Variants in WASHC2A observed in about 807,000 individuals in gnomAD.
The protein encoded by WASHC2A is WASH complex subunit 2A, also known as WASH complex subunit FAM21A.
A neutral mutation model predicts 140.3 loss-of-function variants in WASHC2A; 82 were observed. That is an observed-to-expected ratio of 0.58 (90% CI 0.49 to 0.70). The LOEUF (loss-of-function observed/expected upper bound fraction) is 0.70. Ranked by LOEUF, WASHC2A falls within the 30% of genes least tolerant of loss-of-function variation. WASHC2A has a pLI of 0.00. For missense variants in WASHC2A, 985 were observed against 1,521.8 expected (o/e 0.65, Z 5.87); for synonymous variants, 340 against 560.8 (o/e 0.61, Z 5.56).
Position 50,127,708 on chromosome 10 carries a change from A to G in WASHC2A, c.3000A>G (p.Glu1000=). 1 of 1,577,302 alleles carries G rather than the reference A, an allele frequency of 6.3e-7. No homozygotes were observed. The highest frequency in any genetic ancestry group is 1.1e-5 in the South Asian group (1 of 88,150). The change falls in exon 28 of 31, where the codon GAA becomes GAG. Residue 1000 remains glutamate, a synonymous_variant. Coordinates refer to ENST00000282633, the MANE Select transcript of WASHC2A (RefSeq NM_001005751.3). Reference sequence around the variant, plus strand: ...AACACAGAAGGAGCCACGGTCTGGAAAGTGTGCCTGTCCTTCCCGGGAGTG... The same window carrying G: ...AACACAGAAGGAGCCACGGTCTGGAGAGTGTGCCTGTCCTTCCCGGGAGTG... ...SSEHRRSHGL[E]SVPVLPGSGE...
chr10:50,069,756 G>T, intron 3 of WASHC2A, 45 bp downstream of exon 3: 1 of 1,557,736 alleles, frequency 6.4e-7, no homozygotes, highest in Non-Finnish European at 8.7e-7. Context: ...GGGAGTAGGA[G>T]ATATTGTAAT....
rs782732956 is a variant in WASHC2A at position 50,067,974 on chromosome 10, A to G, written c.-32A>G. ...TCTGCAGTCCTCGGCGTGTGCTGGC[A>G]GCTTCGGAGCCCACCGAGCCGGGCG... On this transcript the variant is annotated 5_prime_UTR_variant, in exon 1 of 31. Coordinates refer to ENST00000282633, the MANE Select transcript of WASHC2A (RefSeq NM_001005751.3). The G allele has an allele frequency of 1.2e-6, 2 of 1,601,062 alleles. No individual in the cohort carries two copies. The highest frequency in any genetic ancestry group is 2.3e-5 in the East Asian group (1 of 44,400).
intron 20 of WASHC2A, among the ~76,000 whole-genome samples, chr10:50,113,125 T>C (rs1842419457): frequency 6.6e-6 from 1 of 151,832 alleles, no homozygotes; most frequent in African/African-American, 2.4e-5. Flanking sequence ...TCCTAACTGA[T>C]TGGGAGGCCA....
Position 50,091,485 on chromosome 10 carries a change from G to T in WASHC2A, c.898G>T (p.Asp300Tyr). The T allele has an allele frequency of 6.4e-7, 1 of 1,550,624 alleles. No individual in the cohort carries two copies. Among genetic ancestry groups the T allele is most frequent in the South Asian group, 1.2e-5 (1 of 84,046 alleles). Residue 300 changes from aspartate (D) to tyrosine (Y), a missense_variant, in exon 10 of 31, where the codon GAT (aspartate) becomes TAT (tyrosine). By Grantham distance (160) the Asp-to-Tyr change is radical. Transcript: ENST00000282633. Reference sequence around the variant, plus strand: ...TGAGCTGGCTGCCCGCATCAAGGGGGATGCCGTGGGTCGAGTGGACGAGGA... The same window carrying T: ...TGAGCTGGCTGCCCGCATCAAGGGGTATGCCGTGGGTCGAGTGGACGAGGA... ...ADELAARIKG[D>Y]AVGRVDEEPT...
rs546431622 is a variant in WASHC2A, at chr10:50,084,055, C to T, written c.529-17C>T. On this transcript the variant is annotated splice_polypyrimidine_tract_variant and intron_variant, in intron 5 of 30. Transcript: ENST00000282633. ...CAACTGAAATGTTTGACAGCCTATT[C>T]CTTTCATGATGTACAGGATCTATAC... The T allele has an allele frequency of 2.3e-4, 377 of 1,610,770 alleles. 1 individual carries two copies. Among genetic ancestry groups the T allele is most frequent in the Admixed American group, 7.8e-4 (47 of 59,908 alleles).
chr10:50,079,495 C>G (rs1443539458), intron 4 of WASHC2A, among the ~76,000 whole-genome samples: 1 of 152,228 alleles, frequency 6.6e-6, no homozygotes, highest in Non-Finnish European at 1.5e-5. Flanking sequence ...TTCCTGGGTG[C>G]AAGTGATTCT....
At chr10:50,127,921 T>C in intron 28 of WASHC2A, 126 bp downstream of exon 28, 2 of 1,545,782 alleles carry the variant, frequency 1.3e-6, no homozygotes, top group Middle Eastern at 2.3e-4. Context: ...TGCCTCATCC[T>C]TCCTTCAGCC....
In WASHC2A at chr10:50,127,776, C is replaced by T; in HGVS notation, c.3068C>T (p.Thr1023Ile). The change falls in exon 28 of 31, where the codon ACC becomes ATC. Residue 1023 changes from threonine to isoleucine, a missense_variant. By Grantham distance (89) the Thr-to-Ile change is moderately conservative. Coordinates refer to ENST00000282633, the MANE Select transcript of WASHC2A (RefSeq NM_001005751.3). ...VSFDLPAQAD[T>I]LHSANKSRVK... Reference sequence around the variant, plus strand: ...TTTGATCTTCCAGCTCAGGCAGACACCTTACACAGTGCAAACAAGGTGATG... The same window carrying T: ...TTTGATCTTCCAGCTCAGGCAGACATCTTACACAGTGCAAACAAGGTGATG... The T allele has an allele frequency of 1.3e-6, 2 of 1,520,480 alleles. No individual in the cohort carries two copies. Among genetic ancestry groups the T allele is most frequent in the Admixed American group, 1.9e-5 (1 of 51,348 alleles). 94.2% of individuals were successfully genotyped at this position (1,520,480 alleles called of 1,614,324 possible). A position where few individuals can be genotyped will look rare whatever the true frequency, so the allele number is the denominator to read the frequency against.
Position 50,129,773 on chromosome 10 carries a change from A to C in WASHC2A, c.3442A>C (p.Thr1148Pro), listed in dbSNP as rs1843772902. The change falls in exon 29 of 31, where the codon ACA (threonine) becomes CCA (proline). Residue 1148 changes from threonine to proline, a missense_variant. Transcript: ENST00000282633. ...CACTGGATCTCAGTCTGTGGAGAGAACAAAACCCAAGGCAAAGATAGCAGA... is the reference window on the plus strand; with the variant it reads ...CACTGGATCTCAGTCTGTGGAGAGACCAAAACCCAAGGCAAAGATAGCAGA... ...TGTGSQSVER[T>P]KPKAKIAENP... is the part of the protein sequence containing the mutation. 9 of 1,611,940 alleles carry C rather than the reference A, an allele frequency of 5.6e-6. No individual in the cohort carries two copies. The highest frequency in any genetic ancestry group is 5.9e-6 in the Non-Finnish European group (7 of 1,179,878).
Position 50,126,167 on chromosome 10 carries a change from G to A in WASHC2A, c.2799G>A (p.Pro933=), listed in dbSNP as rs781807596. The change falls in exon 26 of 31, where the codon CCG becomes CCA. Residue 933 remains proline, a synonymous_variant. Transcript: ENST00000282633. The stretch of plus-strand genomic sequence containing the variant: ...GTAAAGAAAAAGGCATATGGAAGCC[G>A]GAAACACCTCAGGTTAGAAATCCTC... ...QGSKEKGIWK[P]ETPQDSSGLA... 0.34 allele frequency: 543,565 copies of A among 1,612,598 alleles called. 95,169 individuals carry two copies. The highest frequency in any genetic ancestry group is 0.45 in the Admixed American group (27,234 of 59,886).
chr10:50,102,247 G>A (rs1252124646), intron 17 of WASHC2A, among the ~76,000 whole-genome samples: 1 of 152,196 alleles, frequency 6.6e-6, no homozygotes, highest in East Asian at 1.9e-4. Flanking sequence ...GTCTAAGTAA[G>A]AGTTAAAGCT....
intron 4 of WASHC2A, 100 bp downstream of exon 4, chr10:50,078,837 G>T (rs1838622998): frequency 6.2e-7 from 1 of 1,610,144 alleles, no homozygotes; most frequent in South Asian, 1.1e-5. Context: ...GGCGGGGTTG[G>T]GAAAGGGAGG....
chr10:50,091,927 A>G (rs1289887981), intron 10 of WASHC2A, among the ~76,000 whole-genome samples: 7 of 152,110 alleles, frequency 4.6e-5, no homozygotes, highest in Non-Finnish European at 8.8e-5. Flanking sequence ...AACAAATACA[A>G]TCCTGTTATG....
Position 50,067,968 on chromosome 10 carries a change from G to C in WASHC2A, c.-38G>C. On this transcript the variant is annotated 5_prime_UTR_variant, in exon 1 of 31. Coordinates refer to ENST00000282633, the MANE Select transcript of WASHC2A (RefSeq NM_001005751.3). ...CGGGGCTCTGCAGTCCTCGGCGTGT[G>C]CTGGCAGCTTCGGAGCCCACCGAGC... The C allele has an allele frequency of 1.3e-6, 2 of 1,598,918 alleles. No individual in the cohort carries two copies. Among genetic ancestry groups the C allele is most frequent in the Non-Finnish European group, 1.7e-6 (2 of 1,174,578 alleles).
chr10:50,115,418 C>T (rs1468046435), intron 21 of WASHC2A, among the ~76,000 whole-genome samples: 2 of 105,262 alleles, frequency 1.9e-5, no homozygotes, highest in African/African-American at 7.1e-5. Context: ...CCACACGAGA[C>T]ACAGCATTTA....
intron 20 of WASHC2A, among the ~76,000 whole-genome samples, chr10:50,112,587 A>G (rs1378289180): frequency 2.6e-5 from 3 of 115,202 alleles, no homozygotes; most frequent in Non-Finnish European, 5.6e-5. Flanking sequence ...AGTTGTTCAT[A>G]TAAAAACTTG....
In WASHC2A at chr10:50,104,113, G is replaced by A. The variant is rs1420252807; in HGVS notation, c.1707G>A (p.Leu569=). The change falls in exon 18 of 31, where the codon TTG becomes TTA. Residue 569 remains leucine (L), a synonymous_variant. Transcript: ENST00000282633. Reference sequence around the variant, plus strand: ...TGCTGCCTGGCAAGCTCCCCACGTTGGTTTCCCTGTTTGATGATGAAGATG... The same window carrying A: ...TGCTGCCTGGCAAGCTCCCCACGTTAGTTTCCCTGTTTGATGATGAAGATG... ...ASLLPGKLPT[L]VSLFDDEDEE... is the part of the protein sequence containing the mutation. 7.6e-6 allele frequency: 11 copies of A among 1,454,610 alleles called. 1 individual carries two copies. Among genetic ancestry groups the A allele is most frequent in the African/African-American group, 2.8e-5 (2 of 72,336 alleles). 90.1% of individuals were successfully genotyped at this position (1,454,610 alleles called of 1,614,324 possible). A position where few individuals can be genotyped will look rare whatever the true frequency, so the allele number is the denominator to read the frequency against.
At chr10:50,122,006 A>G (rs1843068243) in intron 23 of WASHC2A, among the ~76,000 whole-genome samples, 1 of 108,160 alleles carries the variant, frequency 9.2e-6, no homozygotes, top group Non-Finnish European at 2.0e-5. Flanking sequence ...AGCTGATCCT[A>G]AAATTTTTAT....
chr10:50,069,254 G>A (rs1343590725), intron 2 of WASHC2A, among the ~76,000 whole-genome samples: 4 of 150,714 alleles, frequency 2.7e-5, no homozygotes, highest in Non-Finnish European at 5.9e-5. Flanking sequence ...GTGAAACCCC[G>A]TCTCTACTAA....
Sources: allele counts gnomAD v4.1 joint callset (sites outside exome capture counted in the v4.1 genomes callset), GRCh38; gene constraint gnomAD v4.1.1; transcripts MANE v1.5; gene names NCBI Gene and HGNC (gene_info 2026-07-23, HGNC 2026-07-21).